Variants in DCC observed in about 807,000 individuals in gnomAD.
DCC encodes netrin receptor DCC.
A neutral mutation model predicts 172.5 loss-of-function variants in DCC; 58 were observed. That is an observed-to-expected ratio of 0.34 (90% confidence interval 0.27 to 0.42). DCC has a LOEUF of 0.42. DCC is among the 10% of genes least tolerant of loss of function. The probability of loss-of-function intolerance (pLI) is 1.00; values close to 1 mark genes in which losing one functional copy is unlikely to be tolerated. For missense variants in DCC, 1,740 were observed against 1,791.0 expected (o/e 0.97, Z 0.51); for synonymous variants, 709 against 644.5 (o/e 1.10, Z -1.52).
intron 21 of DCC, among the ~76,000 whole-genome samples, chr18:53,417,103 G>A (rs1428271025): frequency 6.6e-6 from 1 of 152,172 alleles, no homozygotes; most frequent in Admixed American, 6.5e-5. Flanking sequence ...TTGCAAACGT[G>A]TCTCATAAGG....
At chr18:52,424,395 C>T (rs1333171966) in intron 1 of DCC, among the ~76,000 whole-genome samples, 1 of 152,132 alleles carries the variant, frequency 6.6e-6, no homozygotes, top group Admixed American at 6.6e-5. Context: ...TATTGCCTCA[C>T]GTACTCCTTC....
At chr18:53,472,791 C>A (rs2045713794) in intron 25 of DCC, among the ~76,000 whole-genome samples, 2 of 152,180 alleles carry the variant, frequency 1.3e-5, no homozygotes, top group Admixed American at 1.3e-4. Context: ...ACAAGTTAAA[C>A]ATGGCATCCC....
rs200837863 is a variant in DCC, at chr18:52,834,467, T to C, written c.413-71577T>C. 3.3e-5 allele frequency among the ~76,000 whole-genome samples: 5 copies of C among 152,256 alleles called. No individual in the cohort carries two copies. In the East Asian group the frequency reaches 9.6e-4, roughly 29 times the overall value. ...ACAAGTCCTCTGGGTGAGTCTGATA[T>C]TCACTGAAACTTGAGAACCACTAAT... On this transcript the variant is annotated intron_variant, in intron 2 of 28. Coordinates refer to ENST00000442544, the MANE Select transcript of DCC (RefSeq NM_005215.4).
intron 5 of DCC, among the ~76,000 whole-genome samples, chr18:52,990,431 T>C (rs2145620619): frequency 6.6e-6 from 1 of 151,358 alleles, no homozygotes. Flanking sequence ...TCCCAGCTAC[T>C]TGGGAGGCTG....
intron 3 of DCC, among the ~76,000 whole-genome samples, chr18:52,920,032 A>AAT (rs1379279690): frequency 3.3e-5 from 5 of 151,770 alleles, no homozygotes; most frequent in African/African-American, 1.2e-4. Context: ...AAAAAAAAAA[A>AAT]AAAAAGAATC....
chr18:52,893,412 T>C (rs965442282), intron 2 of DCC, among the ~76,000 whole-genome samples: 1 of 152,158 alleles, frequency 6.6e-6, no homozygotes, highest in Non-Finnish European at 1.5e-5. Flanking sequence ...AAATAGGAAC[T>C]TGGGTTAATA....
chr18:53,188,415 T>G (rs951722805), intron 9 of DCC, among the ~76,000 whole-genome samples: 1 of 152,220 alleles, frequency 6.6e-6, no homozygotes, highest in African/African-American at 2.4e-5. Flanking sequence ...TGTTTGTTTT[T>G]GGGGAAGTCA....
intron 2 of DCC, among the ~76,000 whole-genome samples, chr18:52,753,271 T>C (rs1158752859): frequency 6.6e-6 from 1 of 152,166 alleles, no homozygotes. Flanking sequence ...AAAGGAAAGA[T>C]GTAAAAAGAT....
At chr18:53,222,711 T>C (rs1399423692) in intron 12 of DCC, among the ~76,000 whole-genome samples, 1 of 152,112 alleles carries the variant, frequency 6.6e-6, no homozygotes, top group Non-Finnish European at 1.5e-5. Context: ...AGAAACAAGG[T>C]TGCTATGGCT....
At chr18:53,307,925 A>G (rs1180082007) in intron 13 of DCC, among the ~76,000 whole-genome samples, 35 of 96,384 alleles carry the variant, frequency 3.6e-4, no homozygotes, top group South Asian at 1.3e-3. Flanking sequence ...ATATATATAT[A>G]TATATATATA....
intron 12 of DCC, among the ~76,000 whole-genome samples, chr18:53,273,605 A>G (rs2056772781): frequency 6.6e-6 from 1 of 152,006 alleles, no homozygotes; most frequent in African/African-American, 2.4e-5. Flanking sequence ...CCTGAAAGCT[A>G]TTTGCAAATA....
At chr18:52,681,308 C>G (rs993494691) in intron 1 of DCC, among the ~76,000 whole-genome samples, 1 of 151,966 alleles carries the variant, frequency 6.6e-6, no homozygotes, top group African/African-American at 2.4e-5. Flanking sequence ...GCTCTGAATC[C>G]TTAGGACACA....
intron 5 of DCC, among the ~76,000 whole-genome samples, chr18:53,037,893 T>C (rs138622983): frequency 3.4e-3 from 518 of 151,990 alleles, no homozygotes; most frequent in Non-Finnish European, 5.0e-3. Context: ...TGTTCTATAA[T>C]GTTTGACATT....
At chr18:53,366,622 G>A (rs947622525) in intron 15 of DCC, among the ~76,000 whole-genome samples, 2 of 152,168 alleles carry the variant, frequency 1.3e-5, no homozygotes, top group Non-Finnish European at 2.9e-5. Context: ...TCTTCTGGAA[G>A]AAATTTTCCA....
chr18:53,131,992 T>A (rs1382831842), intron 7 of DCC, among the ~76,000 whole-genome samples: 2 of 135,182 alleles, frequency 1.5e-5, no homozygotes, highest in Non-Finnish European at 3.1e-5. Context: ...TTTAGCTATA[T>A]TACCCTTTGG....
intron 3 of DCC, among the ~76,000 whole-genome samples, chr18:52,908,597 A>G (rs1208731292): frequency 7.5e-6 from 1 of 133,796 alleles, no homozygotes; most frequent in African/African-American, 2.6e-5. Flanking sequence ...GAAATATTAA[A>G]TTTGAAATGC....
chr18:53,352,242 T>C (rs1231378128), intron 15 of DCC, among the ~76,000 whole-genome samples: 2 of 152,248 alleles, frequency 1.3e-5, no homozygotes, highest in Admixed American at 1.3e-4. Context: ...TCAGTACAAG[T>C]GCCAGAGTTT....
intron 12 of DCC, among the ~76,000 whole-genome samples, chr18:53,265,249 A>T (rs1212164559): frequency 3.9e-5 from 6 of 152,206 alleles, no homozygotes; most frequent in Non-Finnish European, 7.3e-5. Context: ...GTATTACAGC[A>T]CTAAGCTTTC....
chr18:52,403,739 C>T (rs1986528718), intron 1 of DCC, among the ~76,000 whole-genome samples: 3 of 151,996 alleles, frequency 2.0e-5, no homozygotes, highest in East Asian at 1.9e-4. Flanking sequence ...AAAGCATAAC[C>T]CTTCCCTAAA....
Sources: gnomAD v4.1 joint callset for allele counts (sites outside exome capture counted in the v4.1 genomes callset) on GRCh38, gnomAD v4.1.1 for gene constraint, MANE v1.5 for transcripts, NCBI Gene and HGNC (gene_info 2026-07-23, HGNC 2026-07-21) for gene names.